ATP6V1B1: variants seen among roughly 807,000 people sequenced by gnomAD.
The protein encoded by ATP6V1B1 is ATPase H+ transporting V1 subunit B1, also known as V-type proton ATPase subunit B, kidney isoform.
Under a neutral mutation model 62.1 loss-of-function variants are expected in ATP6V1B1, and 41 were observed. The ratio of observed to expected loss-of-function variants is 0.66; its 90% CI spans 0.51 to 0.86. The LOEUF is 0.86. Among genes scored for constraint, ATP6V1B1 ranks in the 40% least tolerant of loss-of-function variants. The pLI is 0.00. For synonymous variants in ATP6V1B1, 253 were observed against 273.4 expected, an observed-to-expected ratio of 0.93 and a Z score of 0.74; for missense variants, 651 against 697.5, an observed-to-expected ratio of 0.93 and a Z score of 0.75.
chr2:70,938,603 C>T lies in ATP6V1B1; in HGVS notation c.118+2531C>T, dbSNP rs568559746. 6 of 985,332 alleles carry T rather than the reference C, an allele frequency of 6.1e-6. No individual in the cohort carries two copies. In the South Asian group the frequency reaches 1.4e-4, roughly 23 times the overall value. The allele number at this position is 985,332 out of a possible 1,614,324, so 61.0% of individuals were successfully genotyped here. ...ACTGCAGTGGCTGAGAGAGGATTGG[C>T]TAGAAAGGAGGAGACACTAGAAAGA... is the stretch of plus-strand genomic sequence containing the variant. On this transcript the variant is annotated intron_variant, in intron 1 of 13. Transcript: ENST00000234396.
At chr2:70,947,419 G>C (rs1309793535) in intron 2 of ATP6V1B1, 3 of 152,170 alleles carry the variant, frequency 2.0e-5, no homozygotes, top group Non-Finnish European at 1.5e-5. Context: ...CAAGTTCCTA[G>C]GTGATGCTGC....
intron 6 of ATP6V1B1, among the ~76,000 whole-genome samples, chr2:70,960,646 G>A (rs1226793602): frequency 6.6e-6 from 1 of 152,204 alleles, no homozygotes; most frequent in African/African-American, 2.4e-5. Flanking sequence ...GGAGGGGTAT[G>A]GAGCTGCCCT....
chr2:70,964,881 G>C lies in ATP6V1B1; in HGVS notation c.1378+16G>C. The C allele has an allele frequency of 6.2e-7, 1 of 1,614,042 alleles. No individual in the cohort carries two copies. Among genetic ancestry groups the C allele is most frequent in the Admixed American group, 1.7e-5 (1 of 60,026 alleles). On this transcript the variant is annotated intron_variant, in intron 13 of 13. Coordinates refer to ENST00000234396, the MANE Select transcript of ATP6V1B1 (RefSeq NM_001692.4). ...ATCAATCAGGGTAAGGCGCGTCGCT[G>C]GTGTGGAGCCAGTAACCTCTTCACC... is the stretch of plus-strand genomic sequence containing the variant.
intron 12 of ATP6V1B1, 78 bp downstream of exon 12, chr2:70,964,620 A>G (rs1298536344): frequency 2.9e-5 from 46 of 1,611,330 alleles, no homozygotes; most frequent in Non-Finnish European, 3.7e-5. Flanking sequence ...CTGAAGGACA[A>G]GCTTTTCTCC....
intron 4 of ATP6V1B1, 128 bp downstream of exon 4, chr2:70,958,554 C>T (rs1373211198): frequency 5.6e-6 from 5 of 886,904 alleles, no homozygotes; most frequent in Admixed American, 2.1e-5. Flanking sequence ...CTGGTGGGCT[C>T]TTTGAGGTCT....
intron 1 of ATP6V1B1, among the ~76,000 whole-genome samples, chr2:70,937,712 G>A (rs917691824): frequency 3.3e-5 from 5 of 151,932 alleles, no homozygotes; most frequent in African/African-American, 7.3e-5. Flanking sequence ...TGTGTGATCT[G>A]CACCTTCATG....
rs186914066 is a variant in ATP6V1B1 at position 70,961,239 on chromosome 2, G to A, written c.687+217G>A. On this transcript the variant is annotated intron_variant, in intron 7 of 13. Transcript: ENST00000234396. The stretch of plus-strand genomic sequence containing the variant: ...TGGGCCCTGGGTGGCCTGAAGGAGG[G>A]GAAGCCAGGGGATTGGGGGAAAAAA... Among the ~76,000 whole-genome samples the A allele has an allele frequency of 2.0e-5, 3 of 151,596 alleles. No homozygotes were observed. In the East Asian group the frequency reaches 5.8e-4, roughly 29 times the overall value.
Position 70,959,137 on chromosome 2 carries a change from T to C in ATP6V1B1, c.445+42T>C. 1 of 1,595,086 alleles carries C rather than the reference T, an allele frequency of 6.3e-7. No homozygotes were observed. Among genetic ancestry groups the C allele is most frequent in the East Asian group, 2.2e-5 (1 of 44,740 alleles). On this transcript the variant is annotated intron_variant, in intron 5 of 13. Transcript: ENST00000234396. The surrounding 1 kb of genome is among the most constrained non-coding windows in gnomAD (Gnocchi z 4.2). ...TCTGGATGGCTTCGGGACCCAGCCC[T>C]AACACCTTCCCCACTCTTGGAAGTT...
chr2:70,963,953 G>T lies in ATP6V1B1; in HGVS notation c.1143+299G>T, dbSNP rs1425034186. On this transcript the variant is annotated intron_variant, in intron 11 of 13. Coordinates refer to ENST00000234396, the MANE Select transcript of ATP6V1B1 (RefSeq NM_001692.4). This position sits in a 1 kb window ranked among gnomAD's most constrained non-coding sequence, Gnocchi z 4.3. ...GACGCATTGTGGAGGATAAAAATAA[G>T]TTGGCATATAGAAAGCATCTGGCAG... The T allele has an allele frequency of 1.2e-5, 6 of 507,016 alleles. No individual in the cohort carries two copies. Among genetic ancestry groups the T allele is most frequent in the African/African-American group, 3.9e-5 (2 of 51,834 alleles). The allele number at this position is 507,016 out of a possible 1,614,324, so 31.4% of individuals were successfully genotyped here.
intron 2 of ATP6V1B1, among the ~76,000 whole-genome samples, chr2:70,954,078 A>G (rs782460322): frequency 5.9e-5 from 9 of 152,082 alleles, no homozygotes; most frequent in South Asian, 2.1e-4. Context: ...CAAAAAACCA[A>G]TTGGCTTTGT....
Position 70,958,430 on chromosome 2 carries a change from A to C in ATP6V1B1, c.367+4A>C. 22 of 1,217,504 alleles carry C rather than the reference A, an allele frequency of 1.8e-5. No individual in the cohort carries two copies. The highest frequency in any genetic ancestry group is 2.4e-5 in the Non-Finnish European group (21 of 858,012). 75.4% of individuals were successfully genotyped at this position (1,217,504 alleles called of 1,614,324 possible). ...CCGGTGTCAGAGGACATGCTGGGTG[A>C]GGGACAGGGAGGGGCAGGGGTGGGG... On this transcript the variant is annotated splice_donor_region_variant and intron_variant, in intron 4 of 13. Transcript: ENST00000234396.
intron 1 of ATP6V1B1, chr2:70,942,328 C>A (rs1553416541): frequency 2.5e-6 from 1 of 398,648 alleles, no homozygotes; most frequent in African/African-American, 2.1e-5. Context: ...TCTTCTCTGG[C>A]TGTCCTCAAG....
At chr2:70,948,074 G>A (rs2104812649) in intron 2 of ATP6V1B1, among the ~76,000 whole-genome samples, 1 of 152,190 alleles carries the variant, frequency 6.6e-6, no homozygotes, top group East Asian at 1.9e-4. Context: ...GCCTGAGTGT[G>A]AAAACCTGAT....
In ATP6V1B1 at chr2:70,941,480, G is replaced by T. The variant is rs575086622; in HGVS notation, c.119-2178G>T. 4.4e-5 allele frequency: 43 copies of T among 981,290 alleles called. No homozygotes were observed. In the African/African-American group the frequency reaches 7.5e-4, roughly 17 times the overall value. The allele number at this position is 981,290 out of a possible 1,614,324, so 60.8% of individuals were successfully genotyped here. On this transcript the variant is annotated intron_variant, in intron 1 of 13. Coordinates refer to ENST00000234396, the MANE Select transcript of ATP6V1B1 (RefSeq NM_001692.4). ...TGACCCTGAAGGCTCAGCTCAAACG[G>T]CCCTTCCCATAAGATGCTTCCTCCA...
rs1679840359 is a variant in ATP6V1B1, at chr2:70,935,968, T to C, written c.14T>C (p.Ile5Thr). 1.2e-6 allele frequency: 2 copies of C among 1,613,624 alleles called. No homozygotes were observed. The highest frequency in any genetic ancestry group is 1.7e-4 in the Middle Eastern group (1 of 6,056). MAME[I>T]DSRPGGLPGS... is the part of the protein sequence containing the mutation. Reference sequence around the variant, plus strand: ...GGGGACTGCTCCATGGCCATGGAGATAGACAGCAGGCCTGGGGGGCTCCCC... The same window carrying C: ...GGGGACTGCTCCATGGCCATGGAGACAGACAGCAGGCCTGGGGGGCTCCCC... Residue 5 changes from isoleucine to threonine, a missense_variant, in exon 1 of 14, where the codon ATA (isoleucine) becomes ACA (threonine). Ile to Thr is a moderately conservative substitution (Grantham distance 89, BLOSUM62 -1). Coordinates refer to ENST00000234396, the MANE Select transcript of ATP6V1B1 (RefSeq NM_001692.4).
intron 2 of ATP6V1B1, among the ~76,000 whole-genome samples, chr2:70,945,711 T>G (rs797023472): frequency 0.084 from 9,575 of 113,934 alleles, 662 homozygotes; most frequent in South Asian, 0.19. Context: ...GATATATATA[T>G]ATATATATAT....
intron 1 of ATP6V1B1, chr2:70,941,531 C>A: frequency 1.1e-6 from 1 of 908,420 alleles, no homozygotes; most frequent in Non-Finnish European, 1.3e-6. Flanking sequence ...GTCTTCCCTC[C>A]CACTCTCGTT....
chr2:70,958,207 A>G (rs1452773438), intron 3 of ATP6V1B1, 63 bp downstream of exon 3: 1 of 1,593,826 alleles, frequency 6.3e-7, no homozygotes, highest in Non-Finnish European at 8.6e-7. Flanking sequence ...AAGTTCCCAC[A>G]CTATCTACAA....
intron 1 of ATP6V1B1, chr2:70,940,010 A>C (rs1452781605): frequency 6.6e-6 from 1 of 152,194 alleles, no homozygotes; most frequent in Non-Finnish European, 1.5e-5. Flanking sequence ...CGGTCACCCG[A>C]GCGGCCTGGC....
Sources: allele counts gnomAD v4.1 joint callset (sites outside exome capture counted in the v4.1 genomes callset), GRCh38; gene constraint gnomAD v4.1.1; non-coding constraint Gnocchi (gnomAD v3.1); transcripts MANE v1.5; gene names NCBI Gene and HGNC (gene_info 2026-07-23, HGNC 2026-07-21).